Variants in CFAP74 observed in about 807,000 individuals in gnomAD.
CFAP74 encodes the protein cilia- and flagella-associated protein 74.
CFAP74 carries 124 observed loss-of-function variants against 188.9 expected under a neutral mutation model. The observed-to-expected ratio is 0.66, with a 90% CI of 0.57 to 0.76. The LOEUF is 0.76. Among genes scored for constraint, CFAP74 ranks in the 30% least tolerant of loss-of-function variants. CFAP74 has a pLI of 0.00. For synonymous variants in CFAP74, 956 were observed against 916.7 expected (o/e 1.04, Z -0.77); for missense variants, 2,198 against 2,165.2 (o/e 1.02, Z -0.30).
chr1:1,996,930 A>G (rs1188403410), intron 1 of CFAP74, among the ~76,000 whole-genome samples: 1 of 150,748 alleles, frequency 6.6e-6, no homozygotes, highest in Non-Finnish European at 1.5e-5. Flanking sequence ...CAAAAAAAAA[A>G]AAAAAGAAAA....
chr1:1,948,521 A>G (rs928290269), intron 18 of CFAP74, among the ~76,000 whole-genome samples: 1 of 150,824 alleles, frequency 6.6e-6, no homozygotes, highest in Admixed American at 6.6e-5. Context: ...TGGCCCTCTA[A>G]AGTATTGGGA....
intron 1 of CFAP74, among the ~76,000 whole-genome samples, chr1:1,996,426 G>A (rs983789801): frequency 3.3e-5 from 5 of 152,162 alleles, no homozygotes; most frequent in Non-Finnish European, 5.9e-5. Flanking sequence ...AAGCAGGAAC[G>A]GCAGTGGGGA....
chr1:1,939,569 C>T, intron 24 of CFAP74, 25 bp downstream of exon 24: 2 of 1,530,834 alleles, frequency 1.3e-6, no homozygotes, highest in East Asian at 2.5e-5. Context: ...ACCCCTCTTA[C>T]CCCAGGCCTG....
intron 25 of CFAP74, among the ~76,000 whole-genome samples, chr1:1,932,329 G>A (rs1249866091): frequency 3.4e-5 from 5 of 148,430 alleles, no homozygotes; most frequent in African/African-American, 7.4e-5. Context: ...CCCAGGAGGC[G>A]GAGCTTGCAG....
At position 1,946,380 on chromosome 1, in the gene CFAP74, C is replaced by G. The variant is rs189205095; in HGVS notation, c.2301G>C (p.Pro767=). ...TGGCTTGGACGTCGCCTGGGACGAC[C>G]GGAGTGAAGACGATGGGCACCTTGA... ...SSIKVPIVFT[P]VVPGDVQARF... Residue 767 remains proline (P), a synonymous_variant, in exon 20 of 39, where the codon CCG becomes CCC. Coordinates refer to ENST00000682832, the MANE Select transcript of CFAP74 (RefSeq NM_001304360.2). 1 of 1,536,944 alleles carries G rather than the reference C, an allele frequency of 6.5e-7. No individual in the cohort carries two copies. The highest frequency in any genetic ancestry group is 2.0e-5 in the Admixed American group (1 of 50,988).
At chr1:1,958,795 A>G (rs1019845353) in intron 16 of CFAP74, among the ~76,000 whole-genome samples, 3 of 150,178 alleles carry the variant, frequency 2.0e-5, no homozygotes, top group African/African-American at 7.6e-5. Flanking sequence ...GTTAAAAAGA[A>G]TCAGGCGGGA....
intron 25 of CFAP74, among the ~76,000 whole-genome samples, chr1:1,934,383 C>T (rs2474451): frequency 0.03 from 1,046 of 34,912 alleles, 88 homozygotes; most frequent in African/African-American, 0.086. Flanking sequence ...CACATGTGTA[C>T]GTGTGTGTTA....
intron 18 of CFAP74, chr1:1,953,942 A>T (rs1654361460): frequency 6.6e-6 from 1 of 152,254 alleles, no homozygotes; most frequent in Non-Finnish European, 1.5e-5. Context: ...AGCACCTGCA[A>T]CATTCCTCAG....
At position 1,922,695 on chromosome 1, in the gene CFAP74, G is replaced by T. The variant is rs960188143; in HGVS notation, c.4712C>A (p.Ala1571Glu). ...KTVEFSIDSV[A>E]SLQHKGFSIE... ...AGAGAAACCCTTGTGCTGCAGGGAT[G>T]CGACGCTGTCTATGCTGAACTCAAC... is the stretch of plus-strand genomic sequence containing the variant. Residue 1571 changes from alanine to glutamate, a missense_variant, in exon 38 of 39, where the codon GCA (alanine) becomes GAA (glutamate). Transcript: ENST00000682832. The T allele has an allele frequency of 7.5e-6, 12 of 1,601,526 alleles. No individual in the cohort carries two copies. In the African/African-American group the frequency reaches 1.5e-4, roughly 20 times the overall value.
chr1:1,930,028 C>T, intron 26 of CFAP74, 32 bp downstream of exon 26: 1 of 1,482,682 alleles, frequency 6.7e-7, no homozygotes, highest in African/African-American at 1.4e-5. Context: ...GGAGCTCCTG[C>T]TTCCCAGCCT....
intron 1 of CFAP74, among the ~76,000 whole-genome samples, chr1:1,991,813 GCGGA>G (rs1558066063): frequency 2.0e-5 from 3 of 152,108 alleles, no homozygotes; most frequent in Admixed American, 6.5e-5. Context: ...GCCAAGGTGG[GCGGA>G]TCACGAGGTC....
chr1:1,996,653 G>A (rs983330697), intron 1 of CFAP74, among the ~76,000 whole-genome samples: 3 of 152,126 alleles, frequency 2.0e-5, no homozygotes, highest in African/African-American at 7.2e-5. Flanking sequence ...GGGTGCGGGC[G>A]CTCATGTCTG....
intron 1 of CFAP74, 89 bp from the exon 2 acceptor site, chr1:1,991,064 G>C: frequency 2.6e-4 from 199 of 769,398 alleles, no homozygotes; most frequent in East Asian, 3.3e-4. Flanking sequence ...AAGGCATTAA[G>C]AAAACAAACG....
At position 1,955,765 on chromosome 1, in the gene CFAP74, G is replaced by A; in HGVS notation, c.2102C>T (p.Ser701Phe). The A allele has an allele frequency of 6.2e-7, 1 of 1,614,228 alleles. No individual in the cohort carries two copies. The highest frequency in any genetic ancestry group is 8.5e-7 in the Non-Finnish European group (1 of 1,180,042). Reference sequence around the variant, plus strand: ...CCGGCTCTGCATGTCCGCCTGGGAGGACTCCGTGCCCTCTAGCTGCTGCTC... The same window carrying A: ...CCGGCTCTGCATGTCCGCCTGGGAGAACTCCGTGCCCTCTAGCTGCTGCTC... ...FSEQQLEGTE[S>F]SQADMQSRKE... Residue 701 changes from serine (S) to phenylalanine (F), a missense_variant, in exon 18 of 39, where the codon TCC becomes TTC. Physicochemically the swap from Ser to Phe is radical, Grantham distance 155 (BLOSUM62 -2). Transcript: ENST00000682832.
At chr1:1,955,505 G>C (rs545632146) in intron 18 of CFAP74, 186 bp downstream of exon 18, 1 of 1,604,810 alleles carries the variant, frequency 6.2e-7, no homozygotes, top group Admixed American at 1.7e-5. Flanking sequence ...GTACATTTTC[G>C]TCCACTCCAA....
Position 1,942,173 on chromosome 1 carries a change from G to C in CFAP74, c.2487-17C>G, listed in dbSNP as rs768047816. On this transcript the variant is annotated splice_polypyrimidine_tract_variant and intron_variant, in intron 21 of 38. Transcript: ENST00000682832. This position sits in a 1 kb window ranked among gnomAD's most constrained non-coding sequence, Gnocchi z 4.3. ...GCTTTCGACCTGTGGGCGTGTCGCA[G>C]GGCACTGGGTCAGGTGCCACAGTCG... The C allele has an allele frequency of 2.7e-5, 40 of 1,494,692 alleles. No homozygotes were observed. The South Asian group carries it at 3.2e-4, about 12-fold the overall frequency. 92.6% of individuals were successfully genotyped at this position (1,494,692 alleles called of 1,614,324 possible).
rs1471962678 is a variant in CFAP74, at chr1:1,927,009, C to T, written c.3547G>A (p.Ala1183Thr). 1.2e-5 allele frequency: 19 copies of T among 1,550,094 alleles called. No homozygotes were observed. The highest frequency in any genetic ancestry group is 1.4e-5 in the Non-Finnish European group (16 of 1,146,870). ...AACGCTCTGAGCAGGGTGGCTCGGG[C>T]GGCCTGGTACTCGTCGGAACTAGAA... ...LRPSSDEYQA[A>T]RATLLRAFQA... is the part of the protein sequence containing the mutation. The change falls in exon 29 of 39, where the codon GCC becomes ACC. Residue 1183 changes from alanine (A) to threonine (T), a missense_variant. Ala to Thr is a moderately conservative substitution (Grantham distance 58). Coordinates refer to ENST00000682832, the MANE Select transcript of CFAP74 (RefSeq NM_001304360.2).
chr1:1,971,313 C>T (rs1169097834), intron 9 of CFAP74, among the ~76,000 whole-genome samples: 1 of 148,594 alleles, frequency 6.7e-6, no homozygotes, highest in Admixed American at 6.7e-5. Context: ...ACATGCACAC[C>T]TGCAGACACT....
At chr1:1,976,538 TTTC>T (rs1417498782) in intron 6 of CFAP74, among the ~76,000 whole-genome samples, 3 of 152,138 alleles carry the variant, frequency 2.0e-5, no homozygotes, top group South Asian at 2.1e-4. Flanking sequence ...TCAAACCTCT[TTTC>T]TTCTTATTTT....
Sources: gnomAD v4.1 joint callset for allele counts (sites outside exome capture counted in the v4.1 genomes callset) on GRCh38, gnomAD v4.1.1 for gene constraint, Gnocchi (gnomAD v3.1) non-coding constraint, MANE v1.5 for transcripts, NCBI Gene and HGNC (gene_info 2026-07-23, HGNC 2026-07-21) for gene names.